The following CNTLN variants were observed in gnomAD, a reference collection of about 807,000 sequenced individuals.
CNTLN encodes the protein centlein, centrosomal protein.
A neutral mutation model predicts 180.0 loss-of-function variants in CNTLN; 212 were observed. That is an observed-to-expected ratio of 1.18 (90% CI 1.05 to 1.32). The LOEUF (loss-of-function observed/expected upper bound fraction) is 1.32. Among genes scored for constraint, CNTLN ranks in the 40% most tolerant of loss-of-function variants. The pLI is 0.00. For missense variants in CNTLN, 2,095 were observed against 1,610.9 expected (o/e 1.30, Z -5.14); for synonymous variants, 722 against 563.1 (o/e 1.28, Z -3.99).
chr9:17,462,969 T>A lies in CNTLN; in HGVS notation c.3360T>A (p.Phe1120Leu). 1 of 1,584,724 alleles carries A rather than the reference T, an allele frequency of 6.3e-7. No homozygotes were observed. Among genetic ancestry groups the A allele is most frequent in the Non-Finnish European group, 8.6e-7 (1 of 1,168,944 alleles). ...CATCAAATGTGAAGACTTTGAAATT[T>A]GAACTCCTAGCAAAAGAAGAACACA... ...KQSSNVKTLKFELLAKEEHIK... is the reference protein window; with the variant it reads ...KQSSNVKTLKLELLAKEEHIK... The change falls in exon 20 of 26, where the codon TTT (phenylalanine) becomes TTA (leucine). Residue 1120 changes from phenylalanine (F) to leucine (L), a missense_variant. Transcript: ENST00000380647.
At chr9:17,217,671 A>G (rs1012542581) in intron 2 of CNTLN, among the ~76,000 whole-genome samples, 11 of 152,242 alleles carry the variant, frequency 7.2e-5, no homozygotes, top group South Asian at 2.1e-4. Context: ...TATTTGCACA[A>G]TCATGAAAGG....
Position 17,135,445 on chromosome 9 carries a change from T to C in CNTLN, c.360+20T>C, listed in dbSNP as rs111496959. ...TGTCAGGTATCGAGGAGTCTCGCAG[T>C]CCCCCTTTCCCCACCACAGCGGGGC... is the stretch of plus-strand genomic sequence containing the variant. On this transcript the variant is annotated intron_variant, in intron 1 of 25. Transcript: ENST00000380647. The C allele has an allele frequency of 0.26, 407,544 of 1,575,648 alleles. 55,736 individuals carry two copies. Among genetic ancestry groups the C allele is most frequent in the Non-Finnish European group, 0.29 (333,651 of 1,163,026 alleles).
chr9:17,360,674 CCT>C (rs1334465215), intron 12 of CNTLN, among the ~76,000 whole-genome samples: 1 of 152,116 alleles, frequency 6.6e-6, no homozygotes, highest in Non-Finnish European at 1.5e-5. Context: ...TTAAGCAGAA[CCT>C]CTTTGTCAGA....
At chr9:17,463,956 AG>A (rs1831599081) in intron 20 of CNTLN, among the ~76,000 whole-genome samples, 1 of 151,378 alleles carries the variant, frequency 6.6e-6, no homozygotes, top group African/African-American at 2.4e-5. Context: ...CAGCAGCAGC[AG>A]TAGCAGTGGT....
intron 13 of CNTLN, among the ~76,000 whole-genome samples, chr9:17,386,531 C>G (rs1825695845): frequency 1.3e-5 from 2 of 152,130 alleles, no homozygotes; most frequent in Non-Finnish European, 1.5e-5. Context: ...TCCTGGGATC[C>G]TTGAAGAGAA....
intron 18 of CNTLN, among the ~76,000 whole-genome samples, chr9:17,455,343 T>TA (rs138857198): frequency 0.018 from 2,803 of 152,322 alleles, 81 homozygotes; most frequent in African/African-American, 0.064. Context: ...TATATTTTAA[T>TA]AAAGTACAAG....
downstream of CNTLN, among the ~76,000 whole-genome samples, chr9:17,507,147 C>G (rs1833947144): frequency 6.6e-6 from 1 of 152,118 alleles, no homozygotes; most frequent in Non-Finnish European, 1.5e-5. Flanking sequence ...CCCTCCTTTT[C>G]CCCACTTTTG....
At chr9:17,477,536 G>A (rs753753993) in intron 23 of CNTLN, among the ~76,000 whole-genome samples, 52 of 152,278 alleles carry the variant, frequency 3.4e-4, no homozygotes, top group Middle Eastern at 3.4e-3. Flanking sequence ...GCGTTAGCAG[G>A]AGTTTGGAGA....
chr9:17,311,591 T>C (rs1819139792), intron 8 of CNTLN, among the ~76,000 whole-genome samples: 1 of 151,630 alleles, frequency 6.6e-6, no homozygotes, highest in Non-Finnish European at 1.5e-5. Context: ...GGGCGAATCA[T>C]GAGGTCAAGA....
chr9:17,240,239 A>T (rs773959923), intron 5 of CNTLN, among the ~76,000 whole-genome samples: 27 of 152,012 alleles, frequency 1.8e-4, no homozygotes, highest in Non-Finnish European at 2.2e-4. Context: ...ACTGTTTTAA[A>T]TTTTCTCTTC....
At chr9:17,384,296 A>C (rs1322419396) in intron 13 of CNTLN, among the ~76,000 whole-genome samples, 1 of 151,644 alleles carries the variant, frequency 6.6e-6, no homozygotes. Context: ...AAATGAAAAA[A>C]AAAAAACTAC....
intron 16 of CNTLN, among the ~76,000 whole-genome samples, chr9:17,413,185 G>C (rs1046696340): frequency 6.7e-6 from 1 of 148,926 alleles, no homozygotes; most frequent in Non-Finnish European, 1.5e-5. Context: ...TCAAAAAATG[G>C]TGCTGGAGCA....
rs935019791 is a variant in CNTLN at position 17,279,151 on chromosome 9, C to G, written c.983+5285C>G. On this transcript the variant is annotated intron_variant, in intron 6 of 25. Transcript: ENST00000380647. ...ATTTTGGCACTCTGCTCTGTATACT[C>G]TGGAAATAAGCACATAAATTCAACC... Among the ~76,000 whole-genome samples, 3 of 152,002 alleles carry G rather than the reference C, an allele frequency of 2.0e-5. No homozygotes were observed. The East Asian group carries it at 5.8e-4, about 29-fold the overall frequency.
At position 17,500,531 on chromosome 9, in the gene CNTLN, C is replaced by A. The variant is rs117586320; in HGVS notation, c.4120-2020C>A. The stretch of plus-strand genomic sequence containing the variant: ...AGCTGTGTTTCATGGGCCACTATTT[C>A]CGCCTGATAAATAGACCATGAGAAC... On this transcript the variant is annotated intron_variant, in intron 25 of 25. Coordinates refer to ENST00000380647, the MANE Select transcript of CNTLN (RefSeq NM_017738.4). Among the ~76,000 whole-genome samples the A allele has an allele frequency of 7.9e-3, 1,203 of 152,240 alleles. 9 individuals are homozygous for A. The highest frequency in any genetic ancestry group is 0.012 in the Non-Finnish European group (827 of 68,004).
intron 2 of CNTLN, among the ~76,000 whole-genome samples, chr9:17,207,527 G>A (rs1029501269): frequency 2.6e-5 from 4 of 152,186 alleles, no homozygotes; most frequent in Non-Finnish European, 4.4e-5. Context: ...TGCAAAAACC[G>A]TGGGAAAATT....
intron 23 of CNTLN, among the ~76,000 whole-genome samples, chr9:17,469,528 C>A (rs1195606630): frequency 6.6e-6 from 1 of 151,736 alleles, no homozygotes; most frequent in Non-Finnish European, 1.5e-5. Flanking sequence ...ATGCTTAGGA[C>A]CCACCATCTG....
intron 14 of CNTLN, 138 bp from the exon 15 acceptor site, chr9:17,394,396 A>T (rs1826331762): frequency 1.4e-6 from 1 of 719,082 alleles, no homozygotes. Flanking sequence ...CTGCCTTAGA[A>T]TTATCTAGAA....
the CNTLN span, among the ~76,000 whole-genome samples, chr9:17,519,085 G>GTTATTTATTTAT: frequency 6.6e-6 from 1 of 151,126 alleles, no homozygotes; most frequent in African/African-American, 2.5e-5. Flanking sequence ...ACCAGGCCTA[G>GTTATTTATTTAT]TTATTTATTT....
chr9:17,266,623 G>A (rs534665592), intron 5 of CNTLN, among the ~76,000 whole-genome samples: 1 of 152,178 alleles, frequency 6.6e-6, no homozygotes, highest in South Asian at 2.1e-4. Flanking sequence ...GATCTGTTTA[G>A]TGTTGACGGT....
Sources: gnomAD v4.1 joint callset for allele counts (sites outside exome capture counted in the v4.1 genomes callset) on GRCh38, gnomAD v4.1.1 for gene constraint, MANE v1.5 for transcripts, NCBI Gene and HGNC (gene_info 2026-07-23, HGNC 2026-07-21) for gene names.